LIN7A: variants seen among roughly 807,000 people sequenced by gnomAD.
LIN7A encodes the protein protein lin-7 homolog A.
LIN7A carries 25 observed loss-of-function variants against 29.8 expected under a neutral mutation model. That is an observed-to-expected ratio of 0.84 (90% CI 0.61 to 1.17). LIN7A has a LOEUF of 1.17. LIN7A is among the 50% of genes most tolerant of loss of function. The probability of loss-of-function intolerance (pLI) is 0.00; values close to 1 mark genes in which losing one functional copy is unlikely to be tolerated. For synonymous variants in LIN7A, 118 were observed against 107.5 expected, an observed-to-expected ratio of 1.10 and a Z score of -0.60; for missense variants, 239 against 287.0, an observed-to-expected ratio of 0.83 and a Z score of 1.21.
intron 4 of LIN7A, among the ~76,000 whole-genome samples, chr12:80,830,317 A>G (rs750855151): frequency 2.6e-4 from 40 of 152,182 alleles, no homozygotes; most frequent in Non-Finnish European, 5.1e-4. Context: ...TTCTTATATT[A>G]TCATCTTTTA....
At chr12:80,808,507 C>CTTTTTTT (rs200750392) in intron 5 of LIN7A, among the ~76,000 whole-genome samples, 36 of 137,374 alleles carry the variant, frequency 2.6e-4, no homozygotes, top group Non-Finnish European at 3.2e-4. Flanking sequence ...TTTCTTTTTT[C>CTTTTTTT]TTTTTTTTTT....
At chr12:80,889,201 A>T (rs1875494210) in intron 2 of LIN7A, 50 bp downstream of exon 2, 3 of 951,944 alleles carry the variant, frequency 3.2e-6, no homozygotes, top group Non-Finnish European at 5.2e-6. Context: ...CATGTTTTCT[A>T]TGAAGAAGAC....
chr12:80,918,131 T>A (rs150498319), intron 1 of LIN7A, among the ~76,000 whole-genome samples: 256 of 152,288 alleles, frequency 1.7e-3, no homozygotes, highest in African/African-American at 5.9e-3. Flanking sequence ...CATTGCAGCC[T>A]TGATCTCCCA....
chr12:80,824,222 G>A (rs376883655), intron 4 of LIN7A, among the ~76,000 whole-genome samples: 1 of 152,186 alleles, frequency 6.6e-6, no homozygotes, highest in East Asian at 1.9e-4. Flanking sequence ...GATTATTCAA[G>A]GCTACTGTGA....
At chr12:80,904,893 A>G (rs1179841336) in intron 1 of LIN7A, among the ~76,000 whole-genome samples, 1 of 152,216 alleles carries the variant, frequency 6.6e-6, no homozygotes, top group Non-Finnish European at 1.5e-5. Flanking sequence ...AAGCTTGTGT[A>G]CATGAGATCA....
At chr12:80,812,793 C>T (rs763590581) in intron 4 of LIN7A, among the ~76,000 whole-genome samples, 1 of 152,104 alleles carries the variant, frequency 6.6e-6, no homozygotes, top group African/African-American at 2.4e-5. Context: ...TCAAGCGATC[C>T]ACCTCCCTCA....
chr12:80,914,116 C>A (rs999973042), intron 1 of LIN7A, among the ~76,000 whole-genome samples: 3 of 152,160 alleles, frequency 2.0e-5, no homozygotes, highest in African/African-American at 7.2e-5. Flanking sequence ...ATCAAGATCT[C>A]TTTCTTCCTT....
At chr12:80,851,977 G>A (rs1042443707) in intron 2 of LIN7A, among the ~76,000 whole-genome samples, 1 of 152,080 alleles carries the variant, frequency 6.6e-6, no homozygotes, top group African/African-American at 2.4e-5. Context: ...ATTATAGTGA[G>A]TTGGTTCAGA....
At chr12:80,874,117 A>C (rs967843549) in intron 2 of LIN7A, among the ~76,000 whole-genome samples, 7 of 152,158 alleles carry the variant, frequency 4.6e-5, no homozygotes, top group Admixed American at 3.9e-4. Flanking sequence ...GGAGTCACTT[A>C]TTATATGGTG....
At chr12:80,888,815 T>C (rs922611505) in intron 2 of LIN7A, among the ~76,000 whole-genome samples, 2 of 152,152 alleles carry the variant, frequency 1.3e-5, no homozygotes, top group Non-Finnish European at 2.9e-5. Flanking sequence ...CCAGCCTATC[T>C]GTATATTTTC....
chr12:80,907,055 C>CTCTGTGTGTGTGTGTG lies in LIN7A; in HGVS notation c.83-17687_83-17686insCACACACACACACAGA, dbSNP rs1555228957. ...TAGAACATACCTCAGAGTGCGTGCT[C>CTCTGTGTGTGTGTGTG]TGTGTGTGTGTGTGTGTGTGTGTGT... On this transcript the variant is annotated intron_variant, in intron 1 of 5. Transcript: ENST00000552864. 4.1e-5 allele frequency among the ~76,000 whole-genome samples: 6 copies of CTCTGTGTGTGTGTGTG among 145,396 alleles called. No individual in the cohort carries two copies. In the East Asian group the frequency reaches 6.1e-4, roughly 15 times the overall value.
At chr12:80,865,834 G>T (rs1286421958) in intron 2 of LIN7A, among the ~76,000 whole-genome samples, 1 of 152,320 alleles carries the variant, frequency 6.6e-6, no homozygotes, top group African/African-American at 2.4e-5. Flanking sequence ...CTGTAAATTG[G>T]GTGAGTCAAA....
chr12:80,872,676 CAT>C (rs1178848281), intron 2 of LIN7A, among the ~76,000 whole-genome samples: 3 of 152,136 alleles, frequency 2.0e-5, no homozygotes, highest in Non-Finnish European at 4.4e-5. Flanking sequence ...GGAGGAAAGA[CAT>C]ATTTTATAGC....
At chr12:80,864,433 G>A (rs1370676866) in intron 2 of LIN7A, among the ~76,000 whole-genome samples, 1 of 151,788 alleles carries the variant, frequency 6.6e-6, no homozygotes, top group East Asian at 1.9e-4. Flanking sequence ...GAAAGCATTT[G>A]AATTTTTTGT....
intron 1 of LIN7A, chr12:80,936,587 GTCC>G (rs1347790147): frequency 6.6e-6 from 1 of 152,266 alleles, no homozygotes; most frequent in Admixed American, 6.5e-5. Flanking sequence ...ACTAGAGGGT[GTCC>G]TCCTCTGCAG....
At chr12:80,918,240 T>G (rs1027485544) in intron 1 of LIN7A, among the ~76,000 whole-genome samples, 2 of 151,794 alleles carry the variant, frequency 1.3e-5, no homozygotes, top group African/African-American at 4.8e-5. Flanking sequence ...ATTTTTTAAT[T>G]TTTTTTGTAG....
At chr12:80,822,098 T>C (rs1422175457) in intron 4 of LIN7A, among the ~76,000 whole-genome samples, 1 of 152,158 alleles carries the variant, frequency 6.6e-6, no homozygotes, top group Non-Finnish European at 1.5e-5. Flanking sequence ...GGAAAGAGGT[T>C]TAATTGACTC....
At chr12:80,816,344 G>A (rs1307414787) in intron 4 of LIN7A, among the ~76,000 whole-genome samples, 3 of 151,490 alleles carry the variant, frequency 2.0e-5, no homozygotes, top group Non-Finnish European at 4.4e-5. Flanking sequence ...CCAGGAGGTC[G>A]GGGCTGTGGG....
chr12:80,908,792 A>C (rs918146227), intron 1 of LIN7A, among the ~76,000 whole-genome samples: 6 of 151,958 alleles, frequency 3.9e-5, no homozygotes, highest in African/African-American at 1.4e-4. Context: ...TATCTTCTTT[A>C]GTGAAGTATC....
Sources: gnomAD v4.1 joint callset for allele counts (sites outside exome capture counted in the v4.1 genomes callset) on GRCh38, gnomAD v4.1.1 for gene constraint, MANE v1.5 for transcripts, NCBI Gene and HGNC (gene_info 2026-07-23, HGNC 2026-07-21) for gene names.